RASSF3: variants seen among roughly 807,000 people sequenced by gnomAD.
RASSF3 encodes ras association domain-containing protein 3.
Under a neutral mutation model 19.9 loss-of-function variants are expected in RASSF3, and 19 were observed. That is an observed-to-expected ratio of 0.96 (90% CI 0.67 to 1.40). The LOEUF (loss-of-function observed/expected upper bound fraction) is 1.40, where lower values mean the gene tolerates loss of function less well. Among genes scored for constraint, RASSF3 ranks in the 40% most tolerant of loss-of-function variants. RASSF3 has a pLI of 0.00. For missense variants in RASSF3, 306 were observed against 289.8 expected (o/e 1.06, Z -0.41); for synonymous variants, 110 against 104.2 (o/e 1.06, Z -0.34).
At chr12:64,530,509 T>C (rs951006423), upstream of RASSF3, among the ~76,000 whole-genome samples, 4 of 152,220 alleles carry the variant, frequency 2.6e-5, no homozygotes, top group African/African-American at 9.6e-5. Context: ...TTTAGGTTAT[T>C]GAAAATAAAG....
chr12:64,581,724 T>C (rs1478027004), intron 2 of RASSF3, among the ~76,000 whole-genome samples: 1 of 152,038 alleles, frequency 6.6e-6, no homozygotes, highest in African/African-American at 2.4e-5. Context: ...GAAGACCTCA[T>C]TGCCAAAGCC....
chr12:64,651,611 C>T (rs939319777), intron 1 of RASSF3, among the ~76,000 whole-genome samples: 4 of 152,236 alleles, frequency 2.6e-5, no homozygotes, highest in South Asian at 4.1e-4. Context: ...TCACCCTCCT[C>T]GGCCTCCCAG....
intron 1 of RASSF3, among the ~76,000 whole-genome samples, chr12:64,655,690 A>C (rs369036814): frequency 2.6e-5 from 4 of 152,144 alleles, no homozygotes; most frequent in Admixed American, 6.5e-5. Context: ...AACAAACAAA[A>C]AAAATGCTAC....
At chr12:64,605,887 C>CA (rs34242846), upstream of RASSF3, among the ~76,000 whole-genome samples, 5,786 of 82,182 alleles carry the variant, frequency 0.07, 241 homozygotes, top group Non-Finnish European at 0.089. Flanking sequence ...AACTCCGTCT[C>CA]AAAAAAAAAA....
At position 64,637,310 on chromosome 12, in the gene RASSF3, A is replaced by G. The variant is rs149180325; in HGVS notation, c.111+26567A>G. ...GTGGGTGTCTTTTATTTTTCTGTAG[A>G]AAAAGCATTGGTGTGTGTTTGAAAA... On this transcript the variant is annotated intron_variant, in intron 1 of 4. Coordinates refer to ENST00000542104, the MANE Select transcript of RASSF3 (RefSeq NM_178169.4). Among the ~76,000 whole-genome samples the G allele has an allele frequency of 1.1e-3, 167 of 152,310 alleles. 2 individuals are homozygous for G. In the East Asian group the frequency reaches 0.028, roughly 25 times the overall value.
At chr12:64,687,531 A>G (rs987635146) in intron 2 of RASSF3, among the ~76,000 whole-genome samples, 3 of 151,330 alleles carry the variant, frequency 2.0e-5, no homozygotes, top group Non-Finnish European at 4.4e-5. Flanking sequence ...CTGGAGTGCA[A>G]TGGCGTGATC....
At chr12:64,563,856 T>G (rs371427736) in intron 2 of RASSF3, among the ~76,000 whole-genome samples, 10 of 152,312 alleles carry the variant, frequency 6.6e-5, no homozygotes, top group African/African-American at 2.4e-4. Context: ...TTACATACTC[T>G]GTTAGTTTCT....
intron 3 of RASSF3, among the ~76,000 whole-genome samples, chr12:64,691,216 C>T (rs1868274439): frequency 6.6e-6 from 1 of 152,184 alleles, no homozygotes; most frequent in South Asian, 2.1e-4. Flanking sequence ...TATTTTGGGA[C>T]TAATATCTAT....
intron 1 of RASSF3, among the ~76,000 whole-genome samples, chr12:64,629,680 G>A (rs999698880): frequency 6.6e-6 from 1 of 151,938 alleles, no homozygotes; most frequent in Non-Finnish European, 1.5e-5. Context: ...AATGGTTTAT[G>A]TGGACCAGGC....
chr12:64,628,722 C>T (rs1243056581), intron 1 of RASSF3, among the ~76,000 whole-genome samples: 2 of 152,072 alleles, frequency 1.3e-5, no homozygotes, highest in Admixed American at 6.6e-5. Context: ...GTCTTGAACT[C>T]GTGACCTAAG....
chr12:64,675,773 C>T (rs115352450), intron 1 of RASSF3, among the ~76,000 whole-genome samples: 1,903 of 152,146 alleles, frequency 0.013, 42 homozygotes, highest in African/African-American at 0.043. Context: ...TAACCTTTTC[C>T]TGCTGTTCAA....
intron 1 of RASSF3, among the ~76,000 whole-genome samples, chr12:64,508,456 G>A (rs1868305039): frequency 6.6e-6 from 1 of 151,872 alleles, no homozygotes; most frequent in Non-Finnish European, 1.5e-5. Context: ...GGCGAAGGTT[G>A]CAGTGAGCCA....
intron 2 of RASSF3, among the ~76,000 whole-genome samples, chr12:64,592,259 T>C (rs553016766): frequency 1.2e-4 from 18 of 152,348 alleles, no homozygotes; most frequent in African/African-American, 4.1e-4. Context: ...TGAACACTGT[T>C]CTGCACTATT....
chr12:64,571,455 A>G (rs1170492570), intron 2 of RASSF3, among the ~76,000 whole-genome samples: 1 of 152,200 alleles, frequency 6.6e-6, no homozygotes, highest in Non-Finnish European at 1.5e-5. Flanking sequence ...AAGCCTTGTT[A>G]TGACCTGGCA....
intron 2 of RASSF3, among the ~76,000 whole-genome samples, chr12:64,597,360 T>G (rs1452036203): frequency 6.6e-6 from 1 of 152,136 alleles, no homozygotes; most frequent in East Asian, 1.9e-4. Context: ...CTCAATTTCC[T>G]GACCTCGTGA....
intron 1 of RASSF3, among the ~76,000 whole-genome samples, chr12:64,658,078 C>T (rs894830035): frequency 3.3e-5 from 5 of 152,020 alleles, no homozygotes; most frequent in African/African-American, 1.2e-4. Context: ...TGTCAGGTTG[C>T]GTTATGCTCC....
chr12:64,602,946 A>C (rs1304181459), intron 2 of RASSF3, among the ~76,000 whole-genome samples: 1 of 151,944 alleles, frequency 6.6e-6, no homozygotes, highest in Non-Finnish European at 1.5e-5. Context: ...TAAAAATACA[A>C]AAATTAGCTG....
intron 2 of RASSF3, among the ~76,000 whole-genome samples, chr12:64,597,715 C>T (rs1340734738): frequency 3.3e-5 from 5 of 152,080 alleles, no homozygotes; most frequent in African/African-American, 1.2e-4. Context: ...ACCTTAGCCT[C>T]CCAAAGTGCC....
At chr12:64,550,764 T>G (rs1376931535) in intron 2 of RASSF3, among the ~76,000 whole-genome samples, 2 of 133,306 alleles carry the variant, frequency 1.5e-5, no homozygotes, top group South Asian at 4.7e-4. Context: ...GAGGTTGCAG[T>G]GAGCCAGGAT....
Sources: allele counts gnomAD v4.1 joint callset (sites outside exome capture counted in the v4.1 genomes callset), GRCh38; gene constraint gnomAD v4.1.1; transcripts MANE v1.5; gene names NCBI Gene and HGNC (gene_info 2026-07-23, HGNC 2026-07-21).